The following PALM2AKAP2 variants were observed in gnomAD, a reference collection of about 807,000 sequenced individuals.
PALM2AKAP2 encodes PALM2-AKAP2 fusion protein.
Under a neutral mutation model 71.5 loss-of-function variants are expected in PALM2AKAP2, and 37 were observed. The observed-to-expected ratio is 0.52, with a 90% confidence interval of 0.40 to 0.68. The LOEUF (loss-of-function observed/expected upper bound fraction) is 0.68, where lower values mean the gene tolerates loss of function less well. Among genes scored for constraint, PALM2AKAP2 ranks in the 30% least tolerant of loss-of-function variants. PALM2AKAP2 has a pLI of 0.00. For missense variants in PALM2AKAP2, 1,224 were observed against 1,191.8 expected (o/e 1.03, Z -0.40); for synonymous variants, 468 against 478.8 (o/e 0.98, Z 0.29).
intron 7 of PALM2AKAP2, among the ~76,000 whole-genome samples, chr9:110,023,497 A>G (rs1379022368): frequency 6.6e-6 from 1 of 151,354 alleles, no homozygotes; most frequent in African/African-American, 2.4e-5. Context: ...TATTTTTAGT[A>G]GAGACGGGGT....
intron 1 of PALM2AKAP2, among the ~76,000 whole-genome samples, chr9:109,741,185 A>G (rs899480832): frequency 3.9e-5 from 6 of 152,132 alleles, no homozygotes; most frequent in Non-Finnish European, 8.8e-5. Flanking sequence ...TCTGATTTCT[A>G]TCACTATTCT....
At chr9:109,901,907 C>T (rs757758573) in intron 3 of PALM2AKAP2, among the ~76,000 whole-genome samples, 3 of 152,148 alleles carry the variant, frequency 2.0e-5, no homozygotes, top group Non-Finnish European at 2.9e-5. Context: ...AAGAATCAGA[C>T]AGAAGCAGCG....
chr9:109,827,823 T>C (rs545521263), intron 1 of PALM2AKAP2, among the ~76,000 whole-genome samples: 1 of 152,200 alleles, frequency 6.6e-6, no homozygotes, highest in South Asian at 2.1e-4. Context: ...AAAACCACCC[T>C]AACTATATTT....
intron 1 of PALM2AKAP2, among the ~76,000 whole-genome samples, chr9:110,052,366 T>C (rs972481048): frequency 6.6e-6 from 1 of 152,250 alleles, no homozygotes; most frequent in Non-Finnish European, 1.5e-5. Context: ...CCATGGACCA[T>C]GATGGGAGTT....
At chr9:109,765,900 G>A (rs760063087) in intron 1 of PALM2AKAP2, among the ~76,000 whole-genome samples, 8 of 152,244 alleles carry the variant, frequency 5.3e-5, no homozygotes, top group Non-Finnish European at 8.8e-5. Context: ...CAACATGGTC[G>A]GGGACTTGGT....
intron 3 of PALM2AKAP2, among the ~76,000 whole-genome samples, chr9:110,165,225 A>T (rs1379137632): frequency 8.5e-5 from 13 of 152,088 alleles, no homozygotes; most frequent in Non-Finnish European, 1.9e-4. Flanking sequence ...TGAACTTTAG[A>T]AAGTGAAGTT....
intron 1 of PALM2AKAP2, among the ~76,000 whole-genome samples, chr9:109,688,642 C>T (rs926499024): frequency 2.0e-5 from 3 of 152,214 alleles, no homozygotes; most frequent in Admixed American, 2.0e-4. Context: ...GGCCATCAGA[C>T]CTCCAGTTTT....
chr9:109,784,711 T>A (rs1826915480), intron 1 of PALM2AKAP2, among the ~76,000 whole-genome samples: 1 of 152,226 alleles, frequency 6.6e-6, no homozygotes, highest in Admixed American at 6.5e-5. Flanking sequence ...AAGCCAGGAT[T>A]TGAATGCTGC....
chr9:109,989,831 C>G lies in PALM2AKAP2; in HGVS notation c.497-26123C>G, dbSNP rs115582044. On this transcript the variant is annotated intron_variant, in intron 6 of 9. Coordinates refer to the PALM2AKAP2 transcript ENST00000302798. ...ATAGATGGCTGCCCCCTCCACCATT[C>G]GCCACGTGGGCATGTAGGTCACATC... is the stretch of plus-strand genomic sequence containing the variant. 2.7e-3 allele frequency among the ~76,000 whole-genome samples: 406 copies of G among 152,320 alleles called. 4 individuals carry two copies. Among genetic ancestry groups the G allele is most frequent in the African/African-American group, 9.4e-3 (392 of 41,566 alleles).
chr9:110,158,139 G>T (rs1836504234), intron 3 of PALM2AKAP2, among the ~76,000 whole-genome samples: 1 of 152,194 alleles, frequency 6.6e-6, no homozygotes, highest in Admixed American at 6.5e-5. Context: ...TCGTGAGCCT[G>T]CAGGATTTTT....
intron 3 of PALM2AKAP2, among the ~76,000 whole-genome samples, chr9:109,890,049 C>T (rs967833899): frequency 1.3e-5 from 2 of 152,178 alleles, no homozygotes; most frequent in African/African-American, 4.8e-5. Flanking sequence ...TTGCATAGCC[C>T]CTCTGGCTTG....
intron 1 of PALM2AKAP2, among the ~76,000 whole-genome samples, chr9:110,052,198 G>A (rs1248766006): frequency 3.3e-5 from 5 of 152,194 alleles, no homozygotes; most frequent in South Asian, 4.2e-4. Flanking sequence ...CATCATGCCC[G>A]GCCCACCATT....
intron 1 of PALM2AKAP2, among the ~76,000 whole-genome samples, chr9:110,057,758 C>T (rs1309101651): frequency 6.6e-6 from 1 of 152,182 alleles, no homozygotes; most frequent in African/African-American, 2.4e-5. Context: ...TTCCTGTCAT[C>T]CAGGAGCGTG....
In PALM2AKAP2 at chr9:110,079,134, T is replaced by C. The variant is rs895490849; in HGVS notation, c.156+30279T>C. On this transcript the variant is annotated intron_variant, in intron 1 of 3. Coordinates refer to ENST00000374525, the Ensembl canonical transcript of PALM2AKAP2. ...GATTTGATGAAGTACCTCAAAAATC[T>C]CCTGGTTATGGTCAACATTTCATCT... 2.6e-5 allele frequency among the ~76,000 whole-genome samples: 4 copies of C among 152,188 alleles called. No homozygotes were observed. In the East Asian group the frequency reaches 7.7e-4, roughly 29 times the overall value.
At chr9:110,011,928 T>A (rs1014981767) in intron 6 of PALM2AKAP2, among the ~76,000 whole-genome samples, 1 of 151,710 alleles carries the variant, frequency 6.6e-6, no homozygotes, top group Non-Finnish European at 1.5e-5. Context: ...GGTACGAGAG[T>A]GAGGGAAGAA....
chr9:110,155,636 A>T (rs1440174745), intron 2 of PALM2AKAP2, among the ~76,000 whole-genome samples: 1 of 152,190 alleles, frequency 6.6e-6, no homozygotes, highest in Non-Finnish European at 1.5e-5. Context: ...TTGTTGGTGT[A>T]CACTTCTTAA....
At chr9:109,697,346 A>G (rs890209837) in intron 1 of PALM2AKAP2, among the ~76,000 whole-genome samples, 2 of 152,158 alleles carry the variant, frequency 1.3e-5, no homozygotes, top group Non-Finnish European at 2.9e-5. Flanking sequence ...CTTTGTATAG[A>G]ATATCTCTGC....
intron 7 of PALM2AKAP2, among the ~76,000 whole-genome samples, chr9:110,035,957 G>A (rs1389663865): frequency 6.6e-6 from 1 of 150,628 alleles, no homozygotes; most frequent in Non-Finnish European, 1.5e-5. Flanking sequence ...TTTTGTTATT[G>A]TTGAGATGGA....
intron 1 of PALM2AKAP2, among the ~76,000 whole-genome samples, chr9:109,865,407 C>T (rs1306205337): frequency 6.6e-6 from 1 of 152,010 alleles, no homozygotes; most frequent in Non-Finnish European, 1.5e-5. Flanking sequence ...GGCCCTAAAT[C>T]CTACCCATTC....
Sources: allele counts gnomAD v4.1 joint callset (sites outside exome capture counted in the v4.1 genomes callset), GRCh38; gene constraint gnomAD v4.1.1; transcripts MANE v1.5; gene names NCBI Gene and HGNC (gene_info 2026-07-23, HGNC 2026-07-21).